Variants in UBE4B observed in about 807,000 individuals in gnomAD.
The protein encoded by UBE4B is ubiquitin conjugation factor E4 B.
UBE4B carries 27 observed loss-of-function variants against 148.1 expected under a neutral mutation model. The ratio of observed to expected loss-of-function variants is 0.18; its 90% confidence interval spans 0.13 to 0.25. The LOEUF (loss-of-function observed/expected upper bound fraction) is 0.25, where lower values mean the gene tolerates loss of function less well. Ranked by LOEUF, UBE4B falls within the 10% of genes least tolerant of loss-of-function variation. UBE4B has a pLI of 1.00. For synonymous variants in UBE4B, 596 were observed against 619.3 expected, an observed-to-expected ratio of 0.96 and a Z score of 0.56; for missense variants, 1,170 against 1,662.4, an observed-to-expected ratio of 0.70 and a Z score of 5.15.
chr1:10,041,172 G>C (rs1286765236), intron 1 of UBE4B, among the ~76,000 whole-genome samples: 1 of 152,018 alleles, frequency 6.6e-6, no homozygotes, highest in Non-Finnish European at 1.5e-5. Flanking sequence ...CTGTTTTACA[G>C]ATAAGAAAAT....
At chr1:10,050,577 G>A (rs1174964306) in intron 1 of UBE4B, among the ~76,000 whole-genome samples, 2 of 152,168 alleles carry the variant, frequency 1.3e-5, no homozygotes, top group Non-Finnish European at 2.9e-5. Flanking sequence ...AGCTCCTACT[G>A]GGATATGAAC....
chr1:10,107,169 C>T (rs561379133), intron 7 of UBE4B: 85 of 1,287,144 alleles, frequency 6.6e-5, no homozygotes, highest in Non-Finnish European at 8.3e-5. Flanking sequence ...AGCTTCTCCC[C>T]GTCTTGTTTT....
intron 2 of UBE4B, among the ~76,000 whole-genome samples, chr1:10,091,899 C>G (rs1302769186): frequency 1.3e-5 from 2 of 152,030 alleles, no homozygotes; most frequent in African/African-American, 4.8e-5. Flanking sequence ...AGCCACTGCG[C>G]CCGGACTACC....
chr1:10,134,944 T>A, intron 15 of UBE4B, 44 bp from the exon 16 acceptor site: 1 of 1,585,722 alleles, frequency 6.3e-7, no homozygotes, highest in Non-Finnish European at 8.6e-7. Flanking sequence ...CAAAAAAAAT[T>A]TTTTTTAATG....
chr1:10,135,207 T>G (rs1481202059), intron 16 of UBE4B, 21 bp downstream of exon 16: 2 of 1,603,070 alleles, frequency 1.2e-6, no homozygotes, highest in Non-Finnish European at 1.7e-6. Flanking sequence ...TGTTCGTGAC[T>G]CGGTCATTAA....
rs189773342 is a variant in UBE4B at position 10,168,584 on chromosome 1, T to C, written c.3333+314T>C. ...ATATTTTTACCATTATTGATTCCTA[T>C]ATTTTACTTATAGAAAAAGCATAAG... On this transcript the variant is annotated intron_variant, in intron 24 of 27. Transcript: ENST00000343090. The surrounding 1 kb of genome is among the most constrained non-coding windows in gnomAD (Gnocchi z 4.9). 5.8e-4 allele frequency among the ~76,000 whole-genome samples: 89 copies of C among 152,318 alleles called. No homozygotes were observed. Among genetic ancestry groups the C allele is most frequent in the Admixed American group, 5.8e-3 (89 of 15,308 alleles).
At position 10,103,030 on chromosome 1, in the gene UBE4B, G is replaced by C; in HGVS notation, c.518G>C (p.Arg173Pro). The C allele has an allele frequency of 1.2e-6, 2 of 1,613,362 alleles. No homozygotes were observed. The highest frequency in any genetic ancestry group is 8.5e-7 in the Non-Finnish European group (1 of 1,179,760). The change falls in exon 5 of 28, where the codon CGG becomes CCG. Residue 173 changes from arginine to proline, a missense_variant. Arg to Pro is a moderately radical substitution (Grantham distance 103). Coordinates refer to ENST00000343090, the MANE Select transcript of UBE4B (RefSeq NM_001105562.3). ...ATCTTCCGTGTCTCTTGGAAGGACCGGGACAGAGATGTCATCTTTCTTTCT... is the reference window on the plus strand; with the variant it reads ...ATCTTCCGTGTCTCTTGGAAGGACCCGGACAGAGATGTCATCTTTCTTTCT... Reference protein sequence around the residue: ...CKIFRVSWKDRDRDVIFLSSL... With the variant: ...CKIFRVSWKDPDRDVIFLSSL...
chr1:10,124,652 G>C (rs191332176), intron 10 of UBE4B, among the ~76,000 whole-genome samples: 133 of 152,288 alleles, frequency 8.7e-4, no homozygotes, highest in Non-Finnish European at 1.5e-3. Context: ...TTTTTGTCTT[G>C]AAAGAGTGGC....
chr1:10,159,312 C>G (rs2102005749), intron 22 of UBE4B, among the ~76,000 whole-genome samples: 1 of 152,260 alleles, frequency 6.6e-6, no homozygotes, highest in East Asian at 1.9e-4. Flanking sequence ...TCTAAATTAT[C>G]TGTCAGTGCC....
chr1:10,166,970 CA>C lies in UBE4B; in HGVS notation c.3199-1154del, dbSNP rs796133568. 5.8e-3 allele frequency among the ~76,000 whole-genome samples: 767 copies of C among 133,186 alleles called. 11 individuals carry two copies. The highest frequency in any genetic ancestry group is 0.018 in the African/African-American group (637 of 34,608). 87.4% of individuals were successfully genotyped at this position (133,186 alleles called of 152,430 possible). ...ACACACACACACACACACACACACA[CA>C]AAAAAAAAAAATTAGCTGGGCATGG... On this transcript the variant is annotated intron_variant, in intron 23 of 27. Coordinates refer to ENST00000343090, the MANE Select transcript of UBE4B (RefSeq NM_001105562.3).
intron 9 of UBE4B, among the ~76,000 whole-genome samples, chr1:10,120,911 T>G (rs551779303): frequency 2.0e-5 from 3 of 152,334 alleles, no homozygotes; most frequent in Non-Finnish European, 4.4e-5. Flanking sequence ...GGTGTTCTTA[T>G]GTTATTTTGT....
chr1:10,102,155 G>T (rs960673317), intron 4 of UBE4B, among the ~76,000 whole-genome samples: 16 of 152,074 alleles, frequency 1.1e-4, no homozygotes, highest in Non-Finnish European at 1.0e-4. Context: ...TCCTAGTGGT[G>T]CAGTGCTTTA....
chr1:10,099,589 C>T (rs764311959), intron 3 of UBE4B, among the ~76,000 whole-genome samples: 13 of 152,078 alleles, frequency 8.5e-5, no homozygotes, highest in Non-Finnish European at 1.2e-4. Context: ...GTCAAAATCC[C>T]GGGAGGGTTT....
chr1:10,091,964 G>T (rs937579519), intron 2 of UBE4B, among the ~76,000 whole-genome samples: 9 of 152,004 alleles, frequency 5.9e-5, no homozygotes, highest in African/African-American at 2.2e-4. Flanking sequence ...GCCCAGGCTG[G>T]TCTCAAACTC....
At chr1:10,132,511 G>C (rs778764120) in intron 15 of UBE4B, 29 bp downstream of exon 15, 1 of 1,598,090 alleles carries the variant, frequency 6.3e-7, no homozygotes. Context: ...GCTTTTCGCT[G>C]TTTGTCAAAT....
In UBE4B at chr1:10,178,719, A is replaced by G. The variant is rs746256550; in HGVS notation, c.3601A>G (p.Ile1201Val). 5.0e-6 allele frequency: 8 copies of G among 1,614,008 alleles called. No homozygotes were observed. The highest frequency in any genetic ancestry group is 1.7e-6 in the Non-Finnish European group (2 of 1,179,998). The stretch of plus-strand genomic sequence containing the variant: ...GGCAGGGATCAAATCCACAATAGCA[A>G]TAGAAAAATTTAAGCTGCTCGCCGA... The part of the protein sequence containing the change: ...RKAGIKSTIA[I>V]EKFKLLAEKV... The change falls in exon 26 of 28, where the codon ATA becomes GTA. Residue 1201 changes from isoleucine (I) to valine (V), a missense_variant. Ile to Val is a conservative substitution (Grantham distance 29, BLOSUM62 3). Transcript: ENST00000343090.
intron 1 of UBE4B, among the ~76,000 whole-genome samples, chr1:10,045,502 G>A (rs1223689201): frequency 6.6e-6 from 1 of 152,054 alleles, no homozygotes; most frequent in Admixed American, 6.6e-5. Context: ...GCCATATTTT[G>A]TTTCTCTTGG....
intron 2 of UBE4B, among the ~76,000 whole-genome samples, chr1:10,092,222 C>CTTTTG (rs1294400161): frequency 6.6e-6 from 1 of 151,708 alleles, no homozygotes; most frequent in Non-Finnish European, 1.5e-5. Context: ...AGACCCATCT[C>CTTTTG]TTTTGTTTTG....
intron 1 of UBE4B, among the ~76,000 whole-genome samples, chr1:10,035,159 C>G (rs1049206536): frequency 6.6e-6 from 1 of 151,288 alleles, no homozygotes; most frequent in Non-Finnish European, 1.5e-5. Flanking sequence ...CTACCACGCC[C>G]GGCTATTTTT....
Sources: allele counts gnomAD v4.1 joint callset (sites outside exome capture counted in the v4.1 genomes callset), GRCh38; gene constraint gnomAD v4.1.1; non-coding constraint Gnocchi (gnomAD v3.1); transcripts MANE v1.5; gene names NCBI Gene and HGNC (gene_info 2026-07-23, HGNC 2026-07-21).